The following AIDA variants were observed in gnomAD, a reference collection of about 807,000 sequenced individuals.
The protein encoded by AIDA is axin interactor, dorsalization associated.
AIDA carries 18 observed loss-of-function variants against 42.7 expected under a neutral mutation model. That is an observed-to-expected ratio of 0.42 (90% CI 0.29 to 0.63). The LOEUF is 0.63. Ranked by LOEUF, AIDA falls within the 20% of genes least tolerant of loss-of-function variation. The pLI, the probability that AIDA is intolerant of heterozygous loss-of-function variation, is 0.19. For synonymous variants in AIDA, 104 were observed against 122.9 expected (o/e 0.85, Z 1.02); for missense variants, 250 against 354.1 (o/e 0.71, Z 2.36).
At chr1:222,689,038 T>C (rs1453449231) in intron 4 of AIDA, among the ~76,000 whole-genome samples, 1 of 152,010 alleles carries the variant, frequency 6.6e-6, no homozygotes, top group Non-Finnish European at 1.5e-5. Context: ...CGTGTAGGCC[T>C]AAGCTAATGT....
intron 1 of AIDA, 122 bp downstream of exon 1, chr1:222,712,086 C>T: frequency 1.4e-6 from 2 of 1,453,454 alleles, no homozygotes; most frequent in Non-Finnish European, 9.3e-7. Flanking sequence ...AGCCCCAGTG[C>T]CTGCGGAGCC....
In AIDA at chr1:222,692,414, A is replaced by G. The variant is rs138176821; in HGVS notation, c.289+1375T>C. On this transcript the variant is annotated intron_variant, in intron 4 of 9. Coordinates refer to ENST00000340020, the MANE Select transcript of AIDA (RefSeq NM_022831.4). ...TCCTGAAGCTTACACTCTAGAAATG[A>G]CACACACACAAATATCAACATGTGT... 1.5e-3 allele frequency among the ~76,000 whole-genome samples: 225 copies of G among 152,292 alleles called. 6 individuals carry two copies. In the South Asian group the frequency reaches 0.021, roughly 14 times the overall value.
intron 8 of AIDA, among the ~76,000 whole-genome samples, chr1:222,672,523 G>A (rs1374450671): frequency 6.6e-6 from 1 of 152,208 alleles, no homozygotes; most frequent in Non-Finnish European, 1.5e-5. Flanking sequence ...GATTCAGGAT[G>A]TCTGGGGTGG....
intron 4 of AIDA, among the ~76,000 whole-genome samples, chr1:222,691,437 A>G (rs1043188047): frequency 6.6e-5 from 10 of 152,212 alleles, no homozygotes; most frequent in Non-Finnish European, 1.3e-4. Flanking sequence ...CATTTCCTTC[A>G]GAGTCTGTTG....
chr1:222,677,556 C>T (rs372043350), intron 6 of AIDA, among the ~76,000 whole-genome samples: 2 of 152,128 alleles, frequency 1.3e-5, no homozygotes, highest in African/African-American at 4.8e-5. Flanking sequence ...AATGTCATTA[C>T]AGCTACCTTT....
At chr1:222,707,186 A>G (rs1193205417) in intron 1 of AIDA, among the ~76,000 whole-genome samples, 1 of 152,100 alleles carries the variant, frequency 6.6e-6, no homozygotes, top group Non-Finnish European at 1.5e-5. Flanking sequence ...AGGAGGAAAA[A>G]AAAACAACTT....
At chr1:222,675,903 A>C (rs1019048388) in intron 7 of AIDA, among the ~76,000 whole-genome samples, 193 bp downstream of exon 7, 2 of 152,228 alleles carry the variant, frequency 1.3e-5, no homozygotes, top group African/African-American at 4.8e-5. Context: ...TAAGAAAATA[A>C]GTAAATCTCT....
Position 222,668,880 on chromosome 1 carries a change from GATGA to G in AIDA, c.*1009_*1012del, listed in dbSNP as rs1482756047. Reference sequence around the variant, plus strand: ...CTAATGACCTGCATATTTTCATATGGATGAATGTCAGTATATCTAAATAGGAAAT... The same window carrying G: ...CTAATGACCTGCATATTTTCATATGGATGTCAGTATATCTAAATAGGAAAT... On this transcript the variant is annotated 3_prime_UTR_variant, in exon 10 of 10. Transcript: ENST00000340020. The G allele has an allele frequency of 5.6e-4, 84 of 149,546 alleles. 1 individual carries two copies. Among genetic ancestry groups the G allele is most frequent in the African/African-American group, 2.0e-3 (82 of 40,568 alleles). 9.3% of individuals were successfully genotyped at this position (149,546 alleles called of 1,614,324 possible). A position where few individuals can be genotyped will look rare whatever the true frequency, so the allele number is the denominator to read the frequency against.
intron 6 of AIDA, among the ~76,000 whole-genome samples, chr1:222,685,986 C>A (rs903640238): frequency 3.9e-5 from 6 of 152,164 alleles, no homozygotes; most frequent in South Asian, 2.1e-4. Context: ...ATGGCGAAAC[C>A]CTGTCTCTAC....
intron 6 of AIDA, among the ~76,000 whole-genome samples, chr1:222,685,379 T>TAA (rs201937420): frequency 2.6e-5 from 4 of 152,156 alleles, no homozygotes; most frequent in Non-Finnish European, 4.4e-5. Context: ...ACTCAACTAG[T>TAA]AATTGGCAGA....
rs185223467 is a variant in AIDA at position 222,689,022 on chromosome 1, T to C, written c.290-1364A>G. On this transcript the variant is annotated intron_variant, in intron 4 of 9. Coordinates refer to ENST00000340020, the MANE Select transcript of AIDA (RefSeq NM_022831.4). ...TGGAAGACAGTGATATTGATGATCC[T>C]GACCCCGTGTAGGCCTAAGCTAATG... Among the ~76,000 whole-genome samples, 226 of 152,264 alleles carry C rather than the reference T, an allele frequency of 1.5e-3. 6 individuals carry two copies. The South Asian group carries it at 0.021, about 14-fold the overall frequency.
In AIDA at chr1:222,693,764, C is replaced by CA. The variant is rs747166076; in HGVS notation, c.289+24dup. The CA allele has an allele frequency of 1.1e-5, 17 of 1,574,148 alleles. No homozygotes were observed. The Admixed American group carries it at 2.7e-4, about 25-fold the overall frequency. The stretch of plus-strand genomic sequence containing the variant: ...AGATTATTTTTCCAAAGGAGTATCA[C>CA]AAAAAAATATAAACTTAAACTTACT... On this transcript the variant is annotated intron_variant, in intron 4 of 9. Coordinates refer to ENST00000340020, the MANE Select transcript of AIDA (RefSeq NM_022831.4).
chr1:222,696,685 C>T lies in AIDA; in HGVS notation c.181-2422G>A, dbSNP rs570024772. Reference sequence around the variant, plus strand: ...ATATAATAAAGCAATATTTTTATATCAATACCATTTAGCTATACTTTCATG... The same window carrying T: ...ATATAATAAAGCAATATTTTTATATTAATACCATTTAGCTATACTTTCATG... On this transcript the variant is annotated intron_variant, in intron 2 of 9. Coordinates refer to ENST00000340020, the MANE Select transcript of AIDA (RefSeq NM_022831.4). Among the ~76,000 whole-genome samples the T allele has an allele frequency of 7.2e-5, 11 of 152,276 alleles. No homozygotes were observed. In the South Asian group the frequency reaches 2.1e-3, roughly 29 times the overall value.
rs1016656373 is a variant in AIDA at position 222,668,982 on chromosome 1, G to C, written c.*911C>G. On this transcript the variant is annotated 3_prime_UTR_variant, in exon 10 of 10. Coordinates refer to ENST00000340020, the MANE Select transcript of AIDA (RefSeq NM_022831.4). ...AGATTTTGCATACTCCTCACTGTAA[G>C]AAGAGGTATGCAGGTTTTAAGGTTT... The C allele has an allele frequency of 6.6e-6, 1 of 152,090 alleles. No homozygotes were observed. The highest frequency in any genetic ancestry group is 2.4e-5 in the African/African-American group (1 of 41,398). The allele number at this position is 152,090 out of a possible 1,614,324, so 9.4% of individuals were successfully genotyped here. A position where few individuals can be genotyped will look rare whatever the true frequency, so the allele number is the denominator to read the frequency against.
At chr1:222,696,916 A>C (rs920486708) in intron 2 of AIDA, among the ~76,000 whole-genome samples, 1 of 152,096 alleles carries the variant, frequency 6.6e-6, no homozygotes, top group African/African-American at 2.4e-5. Flanking sequence ...CATTTCTTGA[A>C]GCAGAAGCAA....
chr1:222,672,550 C>T (rs1371601091), intron 8 of AIDA, among the ~76,000 whole-genome samples: 2 of 152,162 alleles, frequency 1.3e-5, no homozygotes, highest in East Asian at 3.8e-4. Flanking sequence ...AAGAAGGCTC[C>T]AGGTGCTGCT....
intron 6 of AIDA, among the ~76,000 whole-genome samples, chr1:222,679,268 A>T (rs2124951703): frequency 6.6e-6 from 1 of 152,216 alleles, no homozygotes; most frequent in South Asian, 2.1e-4. Flanking sequence ...TAAAAGCAAG[A>T]TTTCTAAAAG....
chr1:222,706,805 A>C (rs1655850890), intron 1 of AIDA, among the ~76,000 whole-genome samples: 1 of 150,054 alleles, frequency 6.7e-6, no homozygotes, highest in Non-Finnish European at 1.5e-5. Context: ...CAGTGAGCCT[A>C]GATCACCCCC....
Position 222,673,212 on chromosome 1 carries a change from T to A in AIDA, c.706+101A>T, listed in dbSNP as rs1571922624. 9.2e-6 allele frequency: 10 copies of A among 1,092,100 alleles called. No individual in the cohort carries two copies. The East Asian group carries it at 2.6e-4, about 28-fold the overall frequency. 67.7% of individuals were successfully genotyped at this position (1,092,100 alleles called of 1,614,324 possible). A position where few individuals can be genotyped will look rare whatever the true frequency, so the allele number is the denominator to read the frequency against. On this transcript the variant is annotated intron_variant, in intron 8 of 9. Transcript: ENST00000340020. ...TCAATAAACACTATGTTACATTTAC[T>A]TCTGCCAGATACTAACTATGCTAGG...
Sources: allele counts gnomAD v4.1 joint callset (sites outside exome capture counted in the v4.1 genomes callset), GRCh38; gene constraint gnomAD v4.1.1; transcripts MANE v1.5; gene names NCBI Gene and HGNC (gene_info 2026-07-23, HGNC 2026-07-21).